Variants in ACOT7 observed in about 807,000 individuals in gnomAD.
ACOT7 encodes the protein acyl-CoA thioesterase 7, also known as cytosolic acyl coenzyme A thioester hydrolase.
Under a neutral mutation model 40.2 loss-of-function variants are expected in ACOT7, and 12 were observed. The ratio of observed to expected loss-of-function variants is 0.30; its 90% confidence interval spans 0.19 to 0.48. The LOEUF (loss-of-function observed/expected upper bound fraction) is 0.48. Among genes scored for constraint, ACOT7 ranks in the 20% least tolerant of loss-of-function variants. The pLI, the probability that ACOT7 is intolerant of heterozygous loss-of-function variation, is 0.99. For synonymous variants in ACOT7, 228 were observed against 219.5 expected (o/e 1.04, Z -0.34); for missense variants, 395 against 530.8 (o/e 0.74, Z 2.51).
At chr1:6,290,141 C>T (rs1372281291) in intron 7 of ACOT7, among the ~76,000 whole-genome samples, 3 of 152,108 alleles carry the variant, frequency 2.0e-5, no homozygotes, top group Admixed American at 6.5e-5. Context: ...GACCATGAGC[C>T]GAGGAATGTG....
At chr1:6,286,738 G>A (rs1015620808) in intron 7 of ACOT7, among the ~76,000 whole-genome samples, 1 of 152,130 alleles carries the variant, frequency 6.6e-6, no homozygotes, top group African/African-American at 2.4e-5. Context: ...GCATTTTGGG[G>A]GTAACTTCCT....
In ACOT7 at chr1:6,339,555, C is replaced by T. The variant is rs373748213; in HGVS notation, c.296G>A (p.Arg99His). Residue 99 changes from arginine (R) to histidine (H), a missense_variant, in exon 3 of 9, where the codon CGC becomes CAC. Arg to His is a conservative substitution (Grantham distance 29). This residue lies in a region of ACOT7 where 309 missense variants were observed against 470.3 expected (regional missense o/e 0.66). Coordinates refer to ENST00000361521, the MANE Select transcript of ACOT7 (RefSeq NM_007274.4). ...RCVAALARVE[R>H]TDFLSPMCIG... ...GCACATGGGAGACAGGAAGTCGGTG[C>T]GCTCGACACGAGCCAGGGCGGCCAC... 5.0e-6 allele frequency: 8 copies of T among 1,613,468 alleles called. No individual in the cohort carries two copies. The highest frequency in any genetic ancestry group is 2.2e-5 in the South Asian group (2 of 91,086).
intron 1 of ACOT7, among the ~76,000 whole-genome samples, chr1:6,366,142 C>T (rs1642006651): frequency 6.6e-6 from 1 of 151,930 alleles, no homozygotes; most frequent in Admixed American, 6.6e-5. Context: ...GTGATCCGCC[C>T]ACCTCAGCCT....
In ACOT7 at chr1:6,282,056, C is replaced by A. The variant is rs1291587201; in HGVS notation, c.830-770G>T. ...AGTTCCCATACATTGTTCCCATGTC[C>A]CTCTCTCCCCCTCAACCCTAACCAA... On this transcript the variant is annotated intron_variant, in intron 7 of 8. Coordinates refer to ENST00000361521, the MANE Select transcript of ACOT7 (RefSeq NM_007274.4). This position sits in a 1 kb window ranked among gnomAD's most constrained non-coding sequence, Gnocchi z 4.5. Among the ~76,000 whole-genome samples the A allele has an allele frequency of 6.8e-6, 1 of 147,360 alleles. No homozygotes were observed. The highest frequency in any genetic ancestry group is 1.5e-5 in the Non-Finnish European group (1 of 67,746).
chr1:6,340,209 G>T (rs531893554), intron 2 of ACOT7, among the ~76,000 whole-genome samples: 4 of 151,872 alleles, frequency 2.6e-5, no homozygotes, highest in Admixed American at 6.6e-5. Flanking sequence ...CTCGTGATCC[G>T]CCCGCCTCGG....
rs191826186 is a variant in ACOT7, at chr1:6,265,323, C to T, written c.1015-628G>A. Among the ~76,000 whole-genome samples the T allele has an allele frequency of 1.5e-3, 225 of 152,280 alleles. 1 individual carries two copies. The highest frequency in any genetic ancestry group is 1.7e-3 in the Non-Finnish European group (116 of 68,022). ...AGAAGTGGGGAAAGCCAGCTGCACA[C>T]GGCCATTGCCCCAGCGAGAAGTGGG... On this transcript the variant is annotated intron_variant, in intron 8 of 8. Coordinates refer to ENST00000361521, the MANE Select transcript of ACOT7 (RefSeq NM_007274.4).
chr1:6,366,118 A>T (rs1324057414), intron 1 of ACOT7, among the ~76,000 whole-genome samples: 2 of 150,252 alleles, frequency 1.3e-5, no homozygotes, highest in Admixed American at 6.6e-5. Context: ...CTGGTCTTGA[A>T]CTCCTGACCT....
At chr1:6,322,086 C>T (rs1571305763) in intron 5 of ACOT7, among the ~76,000 whole-genome samples, 2 of 152,190 alleles carry the variant, frequency 1.3e-5, no homozygotes, top group Non-Finnish European at 2.9e-5. Context: ...ACAGGTCGTG[C>T]GAACTGGCTG....
At chr1:6,375,674 C>A (rs534487715) in intron 1 of ACOT7, among the ~76,000 whole-genome samples, 1 of 151,852 alleles carries the variant, frequency 6.6e-6, no homozygotes, top group African/African-American at 2.4e-5. Flanking sequence ...CAGTGGCTCA[C>A]GCCTGTAATC....
chr1:6,325,141 G>A lies in ACOT7; in HGVS notation c.625+2158C>T, dbSNP rs111550081. On this transcript the variant is annotated intron_variant, in intron 5 of 8. Transcript: ENST00000361521. Reference sequence around the variant, plus strand: ...CAGCCGGGCGCAGTGGCTCACGTCTGTAATCCCAGCTCTTTGGGAGGCCGA... The same window carrying A: ...CAGCCGGGCGCAGTGGCTCACGTCTATAATCCCAGCTCTTTGGGAGGCCGA... Among the ~76,000 whole-genome samples, 952 of 152,336 alleles carry A rather than the reference G, an allele frequency of 6.2e-3. 8 individuals are homozygous for A. Among genetic ancestry groups the A allele is most frequent in the African/African-American group, 0.021 (857 of 41,580 alleles).
chr1:6,367,043 A>T (rs899150843), intron 1 of ACOT7, among the ~76,000 whole-genome samples: 23 of 151,930 alleles, frequency 1.5e-4, no homozygotes, highest in African/African-American at 2.7e-4. Context: ...CTAAAAATAT[A>T]AAAAAATTAG....
At position 6,301,901 on chromosome 1, in the gene ACOT7, C is replaced by T. The variant is rs926580608; in HGVS notation, c.713-6921G>A. ...CCTCCTCCAGCCCCAGCAGCCAGCA[C>T]ACACGCACCGGCCTGGGAAACCACG... On this transcript the variant is annotated intron_variant, in intron 6 of 8. Coordinates refer to ENST00000361521, the MANE Select transcript of ACOT7 (RefSeq NM_007274.4). This position sits in a 1 kb window ranked among gnomAD's most constrained non-coding sequence, Gnocchi z 4.1. Among the ~76,000 whole-genome samples the T allele has an allele frequency of 3.3e-5, 5 of 152,210 alleles. No homozygotes were observed. Among genetic ancestry groups the T allele is most frequent in the Admixed American group, 6.5e-5 (1 of 15,290 alleles).
chr1:6,271,482 C>T (rs769622162), intron 8 of ACOT7, among the ~76,000 whole-genome samples: 13 of 152,156 alleles, frequency 8.5e-5, no homozygotes, highest in Admixed American at 6.5e-5. Context: ...CACGGCCGGG[C>T]GAGGGGCCTT....
intron 1 of ACOT7, among the ~76,000 whole-genome samples, chr1:6,353,569 G>A (rs1284255211): frequency 2.6e-5 from 4 of 152,188 alleles, no homozygotes; most frequent in Non-Finnish European, 1.5e-5. Context: ...GAAAGGCAGA[G>A]GTTGCAGTGG....
chr1:6,269,904 T>C (rs916365319), intron 8 of ACOT7, among the ~76,000 whole-genome samples: 2 of 152,210 alleles, frequency 1.3e-5, no homozygotes, highest in East Asian at 3.9e-4. Flanking sequence ...GCGGGCGGCC[T>C]TCCTCCCTGA....
chr1:6,281,757 GCT>G (rs1639365986), intron 7 of ACOT7, among the ~76,000 whole-genome samples: 2 of 152,308 alleles, frequency 1.3e-5, no homozygotes, highest in South Asian at 4.1e-4. Flanking sequence ...CCACTACACT[GCT>G]CCAAGCACCA....
At chr1:6,321,792 G>A (rs1052627500) in intron 5 of ACOT7, among the ~76,000 whole-genome samples, 8 of 152,278 alleles carry the variant, frequency 5.3e-5, no homozygotes, top group Non-Finnish European at 7.4e-5. Flanking sequence ...GTAAGCCACC[G>A]GGCCCAGCCA....
At chr1:6,327,233 C>T in intron 5 of ACOT7, 66 bp downstream of exon 5, 1 of 1,525,092 alleles carries the variant, frequency 6.6e-7, no homozygotes, top group South Asian at 1.1e-5. Context: ...TAGGCCCGGC[C>T]TGCTCCTGCC....
intron 1 of ACOT7, among the ~76,000 whole-genome samples, chr1:6,375,215 A>C (rs537273214): frequency 3.7e-4 from 56 of 150,240 alleles, no homozygotes; most frequent in Non-Finnish European, 1.2e-4. Context: ...GTGAGCCAAG[A>C]TCGCGCCACT....
Sources: gnomAD v4.1 joint callset for allele counts (sites outside exome capture counted in the v4.1 genomes callset) on GRCh38, gnomAD v4.1.1 for gene constraint, gnomAD v4.1.1 regional missense constraint, Gnocchi (gnomAD v3.1) non-coding constraint, MANE v1.5 for transcripts, NCBI Gene and HGNC (gene_info 2026-07-23, HGNC 2026-07-21) for gene names.